The following RALYL variants were observed in gnomAD, a reference collection of about 807,000 sequenced individuals.
RALYL encodes RNA-binding Raly-like protein.
A neutral mutation model predicts 35.1 loss-of-function variants in RALYL; 29 were observed. The ratio of observed to expected loss-of-function variants is 0.83; its 90% CI spans 0.61 to 1.13. The LOEUF is 1.13. RALYL is among the 50% of genes most tolerant of loss of function. The pLI is 0.00. For synonymous variants in RALYL, 120 were observed against 127.6 expected (o/e 0.94, Z 0.40); for missense variants, 359 against 360.4 (o/e 1.00, Z 0.03).
chr8:84,459,902 T>G (rs1422292679), intron 1 of RALYL, among the ~76,000 whole-genome samples: 2 of 151,834 alleles, frequency 1.3e-5, no homozygotes, highest in Admixed American at 6.6e-5. Flanking sequence ...TCTGCTTCTT[T>G]GGAAGTTCAT....
At chr8:84,752,443 C>A (rs947889910) in intron 2 of RALYL, among the ~76,000 whole-genome samples, 2 of 152,072 alleles carry the variant, frequency 1.3e-5, no homozygotes, top group Non-Finnish European at 2.9e-5. Flanking sequence ...AAAAGAAAAG[C>A]CCATTTTCAG....
chr8:84,393,821 A>G (rs1023799434), intron 1 of RALYL, among the ~76,000 whole-genome samples: 4 of 152,114 alleles, frequency 2.6e-5, no homozygotes, highest in Admixed American at 6.6e-5. Flanking sequence ...TATACCTCAT[A>G]AAGTGTGAAA....
At chr8:84,277,824 A>G (rs1473803804) in intron 1 of RALYL, among the ~76,000 whole-genome samples, 4 of 152,228 alleles carry the variant, frequency 2.6e-5, no homozygotes, top group African/African-American at 4.8e-5. Flanking sequence ...CAAGAGGTGC[A>G]TTCCCACAGC....
At chr8:84,635,212 T>TG (rs1367924494) in intron 2 of RALYL, among the ~76,000 whole-genome samples, 1 of 151,692 alleles carries the variant, frequency 6.6e-6, no homozygotes, top group Non-Finnish European at 1.5e-5. Context: ...AAAAACAAAA[T>TG]GGAGGCATGA....
chr8:84,391,882 CT>C (rs1860780704), intron 1 of RALYL, among the ~76,000 whole-genome samples: 2 of 152,016 alleles, frequency 1.3e-5, no homozygotes, highest in Admixed American at 6.6e-5. Context: ...TTTTCTGATA[CT>C]TTTACTGTGA....
At chr8:84,504,932 C>T (rs940704900) in intron 1 of RALYL, among the ~76,000 whole-genome samples, 1 of 152,066 alleles carries the variant, frequency 6.6e-6, no homozygotes, top group African/African-American at 2.4e-5. Context: ...ATTGCTACGC[C>T]CGCACCCCTA....
At chr8:84,517,729 A>G (rs2058168107) in intron 1 of RALYL, among the ~76,000 whole-genome samples, 1 of 152,200 alleles carries the variant, frequency 6.6e-6, no homozygotes, top group Non-Finnish European at 1.5e-5. Context: ...ATTTCCACTG[A>G]AGAAAAATAG....
At chr8:84,184,740 T>G in intron 1 of RALYL, 25 of 336,792 alleles carry the variant, frequency 7.4e-5, no homozygotes, top group Non-Finnish European at 8.5e-5. Flanking sequence ...GGCCGGGCAC[T>G]AGGCGGCCGG....
At chr8:84,558,198 A>G (rs913803828) in intron 2 of RALYL, among the ~76,000 whole-genome samples, 2 of 152,280 alleles carry the variant, frequency 1.3e-5, no homozygotes, top group Admixed American at 6.5e-5. Flanking sequence ...CTTTTCCTTA[A>G]TAAGGCTTAT....
At chr8:84,893,106 A>G (rs1473369451) in intron 8 of RALYL, among the ~76,000 whole-genome samples, 1 of 152,218 alleles carries the variant, frequency 6.6e-6, no homozygotes, top group Non-Finnish European at 1.5e-5. Context: ...TAGTTGGGGA[A>G]CCAGACATAG....
intron 2 of RALYL, among the ~76,000 whole-genome samples, chr8:84,538,103 G>A (rs1588059355): frequency 6.6e-6 from 1 of 152,168 alleles, no homozygotes; most frequent in Non-Finnish European, 1.5e-5. Context: ...AAGCCTCCAC[G>A]ATAGAGTGAA....
rs553652643 is a variant in RALYL at position 84,384,844 on chromosome 8, T to C, written c.-23-144455T>C. Among the ~76,000 whole-genome samples the C allele has an allele frequency of 3.5e-4, 53 of 151,890 alleles. 1 individual carries two copies. In the Middle Eastern group the frequency reaches 0.01, roughly 29 times the overall value. On this transcript the variant is annotated intron_variant, in intron 1 of 8. Transcript: ENST00000521268. ...TGTAGTGGAGCTTAAAATTAGAGCT[T>C]GGTACCAACCACATCCAAAAGTTGA...
intron 1 of RALYL, among the ~76,000 whole-genome samples, chr8:84,289,676 T>A (rs914065491): frequency 6.6e-6 from 1 of 152,220 alleles, no homozygotes. Flanking sequence ...GAATGAAATA[T>A]CTCACTTCCA....
chr8:84,452,312 G>GT (rs11390191), intron 1 of RALYL, among the ~76,000 whole-genome samples: 62,621 of 150,604 alleles, frequency 0.42, 13,093 homozygotes, highest in South Asian at 0.53. Flanking sequence ...CAAGTCAATT[G>GT]CTTTAGATTC....
intron 7 of RALYL, among the ~76,000 whole-genome samples, chr8:84,881,503 T>C (rs746572343): frequency 2.6e-5 from 4 of 151,996 alleles, no homozygotes; most frequent in African/African-American, 9.6e-5. Flanking sequence ...TTCATAGTTA[T>C]ATTAATGATA....
chr8:84,817,250 A>G (rs1181750125), intron 4 of RALYL, among the ~76,000 whole-genome samples: 1 of 152,126 alleles, frequency 6.6e-6, no homozygotes, highest in Non-Finnish European at 1.5e-5. Flanking sequence ...TAGATCTTCA[A>G]TATACTTCTG....
At chr8:84,531,830 G>A (rs912456957) in intron 2 of RALYL, among the ~76,000 whole-genome samples, 8 of 151,910 alleles carry the variant, frequency 5.3e-5, no homozygotes, top group Admixed American at 2.0e-4. Context: ...GTCTTTTTGA[G>A]AAGAATGCAA....
intron 2 of RALYL, among the ~76,000 whole-genome samples, chr8:84,573,329 T>C (rs921525870): frequency 2.6e-5 from 4 of 151,734 alleles, no homozygotes; most frequent in African/African-American, 9.7e-5. Context: ...TTCTGCCAGA[T>C]AGAACTTTAG....
chr8:84,859,679 A>C (rs150728477), intron 5 of RALYL, among the ~76,000 whole-genome samples: 134 of 152,142 alleles, frequency 8.8e-4, no homozygotes, highest in African/African-American at 3.2e-3. Context: ...GCAAAATGCT[A>C]TCTCTACAAA....
Sources: allele counts gnomAD v4.1 joint callset (sites outside exome capture counted in the v4.1 genomes callset), GRCh38; gene constraint gnomAD v4.1.1; transcripts MANE v1.5; gene names NCBI Gene and HGNC (gene_info 2026-07-23, HGNC 2026-07-21).